Variants in ANXA11 observed in about 807,000 individuals in gnomAD.
The protein encoded by ANXA11 is annexin A11, also known as 56 kDa autoantigen.
Under a neutral mutation model 64.7 loss-of-function variants are expected in ANXA11, and 57 were observed. That is an observed-to-expected ratio of 0.88 (90% CI 0.71 to 1.10). The LOEUF (loss-of-function observed/expected upper bound fraction) is 1.10, where lower values mean the gene tolerates loss of function less well. Among genes scored for constraint, ANXA11 ranks in the 50% least tolerant of loss-of-function variants. The pLI is 0.00. For missense variants in ANXA11, 675 were observed against 670.7 expected, an observed-to-expected ratio of 1.01 and a Z score of -0.07; for synonymous variants, 260 against 265.2, an observed-to-expected ratio of 0.98 and a Z score of 0.19.
rs1239919040 is a variant in ANXA11, at chr10:80,151,283, G to A, written c.*4570C>T. 6.6e-6 allele frequency: 1 copy of A among 152,268 alleles called. No homozygotes were observed. Among genetic ancestry groups the A allele is most frequent in the African/African-American group, 2.4e-5 (1 of 41,462 alleles). The allele number at this position is 152,268 out of a possible 1,614,324, so 9.4% of individuals were successfully genotyped here. A position where few individuals can be genotyped will look rare whatever the true frequency, so the allele number is the denominator to read the frequency against. On this transcript the variant is annotated 3_prime_UTR_variant, in exon 16 of 16. Transcript: ENST00000422982. The stretch of plus-strand genomic sequence containing the variant: ...ATTAGGCCAAGGGGCAGCTTTCCAA[G>A]GAGTAGGGGCTGAGGGTAAGAGTCC...
At chr10:80,163,701 G>A (rs1845613918) in intron 9 of ANXA11, 88 bp from the exon 10 acceptor site, 6 of 1,250,024 alleles carry the variant, frequency 4.8e-6, no homozygotes, top group African/African-American at 4.5e-5. Context: ...GGGTACTGGG[G>A]AGAAAAAGGC....
chr10:80,205,612 A>G (rs1456397496), upstream of ANXA11: 1 of 151,770 alleles, frequency 6.6e-6, no homozygotes, highest in Non-Finnish European at 1.5e-5. Flanking sequence ...CGCCCCCAAG[A>G]TGAGGACTGG....
chr10:80,202,696 C>T (rs1247435425), intron 1 of ANXA11, among the ~76,000 whole-genome samples: 1 of 152,076 alleles, frequency 6.6e-6, no homozygotes, highest in Non-Finnish European at 1.5e-5. Context: ...AGACGCTTCC[C>T]CATGGGAACA....
intron 9 of ANXA11, 103 bp downstream of exon 9, chr10:80,163,950 G>C: frequency 1.0e-6 from 1 of 980,560 alleles, no homozygotes; most frequent in South Asian, 1.5e-5. Context: ...TGATAAGAAG[G>C]CCAGGAAGGA....
intron 3 of ANXA11, 194 bp from the exon 4 acceptor site, chr10:80,171,109 C>T (rs1845957741): frequency 6.7e-7 from 1 of 1,501,472 alleles, no homozygotes; most frequent in African/African-American, 1.4e-5. Flanking sequence ...GGAGGGGAAA[C>T]CTTCCCCTCT....
Position 80,182,973 on chromosome 10 carries a change from C to G in ANXA11, c.-57-6818G>C, listed in dbSNP as rs1020639373. ...CAGTGTGGGGAAAAAAAACACACATCTGGTCGCAGGGTGAAGTGTTGAGAG... is the reference window on the plus strand; with the variant it reads ...CAGTGTGGGGAAAAAAAACACACATGTGGTCGCAGGGTGAAGTGTTGAGAG... On this transcript the variant is annotated intron_variant, in intron 1 of 15. Transcript: ENST00000422982. Among the ~76,000 whole-genome samples, 3 of 152,192 alleles carry G rather than the reference C, an allele frequency of 2.0e-5. 1 individual carries two copies. The highest frequency in any genetic ancestry group is 4.8e-5 in the African/African-American group (2 of 41,442).
chr10:80,175,694 G>A (rs1846144613), intron 2 of ANXA11, among the ~76,000 whole-genome samples: 1 of 152,162 alleles, frequency 6.6e-6, no homozygotes, highest in Admixed American at 6.5e-5. Context: ...GAACAGATCT[G>A]GCAGTTACAG....
At chr10:80,160,193 T>C (rs534061244) in intron 12 of ANXA11, among the ~76,000 whole-genome samples, 73 of 152,392 alleles carry the variant, frequency 4.8e-4, no homozygotes, top group African/African-American at 1.6e-3. Context: ...TCTTTTCTCC[T>C]AAGTAATAAT....
intron 5 of ANXA11, 72 bp from the exon 6 acceptor site, chr10:80,167,385 CT>C (rs764828864): frequency 2.2e-5 from 30 of 1,384,610 alleles, no homozygotes; most frequent in Non-Finnish European, 3.0e-5. Flanking sequence ...TGCTCCACCC[CT>C]AGACTCTGGG....
intron 15 of ANXA11, chr10:80,156,574 C>G (rs977205024): frequency 7.0e-6 from 3 of 430,050 alleles, no homozygotes; most frequent in South Asian, 5.1e-5. Context: ...AGTGGAATGG[C>G]GTGATCCCAG....
At chr10:80,186,749 G>A (rs544452058) in intron 1 of ANXA11, among the ~76,000 whole-genome samples, 1 of 152,190 alleles carries the variant, frequency 6.6e-6, no homozygotes, top group East Asian at 1.9e-4. Flanking sequence ...AGGGGGATGG[G>A]GGCAAGTGAG....
At chr10:80,164,165 C>T in intron 8 of ANXA11, 22 bp from the exon 9 acceptor site, 1 of 1,599,002 alleles carries the variant, frequency 6.3e-7, no homozygotes, top group African/African-American at 1.3e-5. Flanking sequence ...GAGAATACAA[C>T]CAACCATGTG....
At position 80,163,629 on chromosome 10, in the gene ANXA11, A is replaced by G. The variant is rs866677110; in HGVS notation, c.950-16T>C. ...TTTTTGAATTCTGAAAGGGAGAAGC[A>G]AGGAAGGTCCATCCTGTAGCTCTCT... On this transcript the variant is annotated splice_polypyrimidine_tract_variant and intron_variant, in intron 9 of 15. Coordinates refer to ENST00000422982, the MANE Select transcript of ANXA11 (RefSeq NM_145868.2). 1.3e-6 allele frequency: 2 copies of G among 1,549,966 alleles called. No individual in the cohort carries two copies. Among genetic ancestry groups the G allele is most frequent in the African/African-American group, 1.4e-5 (1 of 73,012 alleles).
intron 1 of ANXA11, among the ~76,000 whole-genome samples, chr10:80,186,624 A>G (rs1177713269): frequency 6.6e-6 from 1 of 152,208 alleles, no homozygotes; most frequent in Admixed American, 6.5e-5. Flanking sequence ...CTCAGCCTGC[A>G]TGAAGCTCCA....
At chr10:80,199,401 T>C (rs1222697934) in intron 1 of ANXA11, among the ~76,000 whole-genome samples, 1 of 152,090 alleles carries the variant, frequency 6.6e-6, no homozygotes, top group Non-Finnish European at 1.5e-5. Context: ...CCAGCCAAGA[T>C]AAACTTTTTT....
At position 80,166,145 on chromosome 10, in the gene ANXA11, A is replaced by G. The variant is rs763595794; in HGVS notation, c.797T>C (p.Ile266Thr). ...SELSGNFEKT[I>T]LALMKTPVLF... Reference sequence around the variant, plus strand: ...GACTGGGGTCTTCATCAGAGCCAAGATTGTCTTCTCAAAGTTTCCTGACAG... The same window carrying G: ...GACTGGGGTCTTCATCAGAGCCAAGGTTGTCTTCTCAAAGTTTCCTGACAG... Residue 266 changes from isoleucine to threonine, a missense_variant, in exon 8 of 16, where the codon ATC becomes ACC. Coordinates refer to ENST00000422982, the MANE Select transcript of ANXA11 (RefSeq NM_145868.2). 3 of 1,613,266 alleles carry G rather than the reference A, an allele frequency of 1.9e-6. No individual in the cohort carries two copies. Among genetic ancestry groups the G allele is most frequent in the Non-Finnish European group, 2.5e-6 (3 of 1,179,602 alleles).
At chr10:80,171,574 T>C (rs1845977782) in intron 3 of ANXA11, 10 of 948,606 alleles carry the variant, frequency 1.1e-5, no homozygotes, top group African/African-American at 8.9e-5. Context: ...TAATGGTGAG[T>C]GTATGCCTAG....
At position 80,158,063 on chromosome 10, in the gene ANXA11, A is replaced by G. The variant is rs974720413; in HGVS notation, c.1277-38T>C. 8.7e-6 allele frequency: 14 copies of G among 1,603,514 alleles called. No individual in the cohort carries two copies. The African/African-American group carries it at 1.9e-4, about 21-fold the overall frequency. ...AACTCGGCATAACCAGATCTGCAGA[A>G]AATTCTCAGCCCAAGCAGGGCATGG... On this transcript the variant is annotated intron_variant, in intron 13 of 15. Transcript: ENST00000422982.
chr10:80,157,429 T>C (rs1206671906), intron 15 of ANXA11: 3 of 985,176 alleles, frequency 3.0e-6, no homozygotes, highest in African/African-American at 3.5e-5. Flanking sequence ...TGCTGGGGGA[T>C]GCAAGGTGGG....
Sources: gnomAD v4.1 joint callset for allele counts (sites outside exome capture counted in the v4.1 genomes callset) on GRCh38, gnomAD v4.1.1 for gene constraint, MANE v1.5 for transcripts, NCBI Gene and HGNC (gene_info 2026-07-23, HGNC 2026-07-21) for gene names.